Variants in DDX59 observed in about 807,000 individuals in gnomAD.
DDX59 encodes the protein probable ATP-dependent RNA helicase DDX59.
A neutral mutation model predicts 51.9 loss-of-function variants in DDX59; 30 were observed. The ratio of observed to expected loss-of-function variants is 0.58; its 90% CI spans 0.43 to 0.78. The LOEUF (loss-of-function observed/expected upper bound fraction) is 0.78, where lower values mean the gene tolerates loss of function less well. DDX59 is among the 30% of genes least tolerant of loss of function. The pLI, the probability that DDX59 is intolerant of heterozygous loss-of-function variation, is 0.00. For missense variants in DDX59, 672 were observed against 730.8 expected (o/e 0.92, Z 0.93); for synonymous variants, 255 against 253.3 (o/e 1.01, Z -0.06).
intron 6 of DDX59, 81 bp from the exon 7 acceptor site, chr1:200,648,648 T>C (rs1197815068): frequency 1.8e-5 from 26 of 1,438,314 alleles, no homozygotes; most frequent in Admixed American, 4.3e-5. Context: ...TTTCTTTTTA[T>C]AATGCTTACT....
Position 200,648,462 on chromosome 1 carries a change from T to C in DDX59, c.1573A>G (p.Ser525Gly). 6.2e-7 allele frequency: 1 copy of C among 1,614,168 alleles called. No individual in the cohort carries two copies. Among genetic ancestry groups the C allele is most frequent in the African/African-American group, 1.3e-5 (1 of 75,052 alleles). Residue 525 changes from serine (S) to glycine (G), a missense_variant, in exon 7 of 8, where the codon AGT becomes GGT. Coordinates refer to ENST00000331314, the MANE Select transcript of DDX59 (RefSeq NM_001031725.6). ...RLVVNFDMPS[S>G]MDEYVHQIGR... The stretch of plus-strand genomic sequence containing the variant: ...ACCTGATGGACATACTCATCCATAC[T>C]TGAAGGCATATCAAAATTGACAACC...
intron 4 of DDX59, among the ~76,000 whole-genome samples, chr1:200,658,614 T>A (rs1228754209): frequency 6.6e-6 from 1 of 152,152 alleles, no homozygotes; most frequent in African/African-American, 2.4e-5. Context: ...GTGGATCACT[T>A]GAGTGTGGGA....
intron 7 of DDX59, among the ~76,000 whole-genome samples, chr1:200,648,030 T>TGG (rs113134173): frequency 3.7e-5 from 1 of 27,222 alleles, no homozygotes; most frequent in Non-Finnish European, 7.2e-5. Flanking sequence ...TGCTTTTTTT[T>TGG]GGGGGGGGGG....
chr1:200,658,209 C>T (rs925312843), intron 4 of DDX59, among the ~76,000 whole-genome samples: 15 of 152,232 alleles, frequency 9.9e-5, no homozygotes, highest in Non-Finnish European at 2.1e-4. Flanking sequence ...ATGTGCCCCG[C>T]AGGCAGAAAT....
chr1:200,662,094 C>T (rs1341351174), intron 3 of DDX59, among the ~76,000 whole-genome samples: 4 of 152,176 alleles, frequency 2.6e-5, no homozygotes, highest in Non-Finnish European at 5.9e-5. Context: ...AGGCAGAAGC[C>T]ACTATGCTTC....
chr1:200,655,622 C>T (rs1437683980), intron 4 of DDX59, among the ~76,000 whole-genome samples: 2 of 152,314 alleles, frequency 1.3e-5, no homozygotes, highest in East Asian at 3.9e-4. Context: ...TGCACACATG[C>T]ACTTGGACTT....
chr1:200,658,274 C>T (rs141152587), intron 4 of DDX59, among the ~76,000 whole-genome samples: 146 of 152,268 alleles, frequency 9.6e-4, no homozygotes, highest in African/African-American at 3.2e-3. Context: ...GGCAGAATAT[C>T]ACTGAGAAAC....
Position 200,648,469 on chromosome 1 carries a change from C to A in DDX59, c.1566G>T (p.Met522Ile). The change falls in exon 7 of 8, where the codon ATG (methionine) becomes ATT (isoleucine). Residue 522 changes from methionine to isoleucine, a missense_variant. Met to Ile is a conservative substitution (Grantham distance 10). Transcript: ENST00000331314. ...ISVRLVVNFDMPSSMDEYVHQ... is the reference protein window; with the variant it reads ...ISVRLVVNFDIPSSMDEYVHQ... ...GGACATACTCATCCATACTTGAAGG[C>A]ATATCAAAATTGACAACCAGCCTGA... The A allele has an allele frequency of 6.2e-7, 1 of 1,614,128 alleles. No homozygotes were observed. The highest frequency in any genetic ancestry group is 1.1e-5 in the South Asian group (1 of 91,086).
intron 7 of DDX59, among the ~76,000 whole-genome samples, chr1:200,644,810 C>T (rs770668071): frequency 2.0e-5 from 3 of 147,872 alleles, no homozygotes; most frequent in Admixed American, 7.0e-5. Flanking sequence ...GCAAAAGAAT[C>T]GCTTGAACCC....
intron 4 of DDX59, among the ~76,000 whole-genome samples, chr1:200,654,136 G>A (rs745865838): frequency 6.6e-6 from 1 of 152,196 alleles, no homozygotes; most frequent in African/African-American, 2.4e-5. Context: ...CTGAAGGGCC[G>A]GGCGTGGTGG....
chr1:200,650,781 A>C lies in DDX59; in HGVS notation c.1063-105T>G, dbSNP rs1661610912. ...ACAATATAAAAATTAAAAATTCCTA[A>C]ATAGAAAACTATACCACAATGTCAA... is the stretch of plus-strand genomic sequence containing the variant. On this transcript the variant is annotated intron_variant, in intron 4 of 7. Coordinates refer to ENST00000331314, the MANE Select transcript of DDX59 (RefSeq NM_001031725.6). 17 of 1,040,552 alleles carry C rather than the reference A, an allele frequency of 1.6e-5. 1 individual carries two copies. In the South Asian group the frequency reaches 3.7e-4, roughly 23 times the overall value. 64.5% of individuals were successfully genotyped at this position (1,040,552 alleles called of 1,614,324 possible).
downstream of DDX59, among the ~76,000 whole-genome samples, chr1:200,641,819 A>G (rs1254907143): frequency 6.6e-6 from 1 of 151,998 alleles, no homozygotes; most frequent in African/African-American, 2.4e-5. Flanking sequence ...CCTGGCCAAC[A>G]TGGTGAAACC....
chr1:200,669,379 A>AG (rs1395624575), intron 1 of DDX59: 2 of 151,448 alleles, frequency 1.3e-5, no homozygotes, highest in African/African-American at 4.9e-5. Context: ...GGACGGCTCT[A>AG]GGTGAGCAGG....
rs1661477424 is a variant in DDX59, at chr1:200,649,074, C to T, written c.1467G>A (p.Lys489=). ...KSQIERKNIL[K]GLLEGDYEVV... ...GAATATAGAATATTGGGTGTCAAAC[C>T]TTCAATATGTTTTTCCTTTCTATTT... Residue 489 remains lysine (K), a splice_region_variant and synonymous_variant, in exon 6 of 8, where the codon AAG becomes AAA. Transcript: ENST00000331314. 1.3e-6 allele frequency: 2 copies of T among 1,554,476 alleles called. No homozygotes were observed. Among genetic ancestry groups the T allele is most frequent in the African/African-American group, 1.4e-5 (1 of 71,532 alleles).
intron 7 of DDX59, among the ~76,000 whole-genome samples, chr1:200,644,958 T>C (rs1240583715): frequency 6.6e-6 from 1 of 151,704 alleles, no homozygotes; most frequent in East Asian, 1.9e-4. Flanking sequence ...ACAGCATTTT[T>C]TGAATTATGC....
intron 1 of DDX59, among the ~76,000 whole-genome samples, chr1:200,667,307 A>C (rs1486232504): frequency 1.3e-5 from 2 of 152,176 alleles, no homozygotes; most frequent in Non-Finnish European, 1.5e-5. Flanking sequence ...AGGCTGAGGG[A>C]GAAGAATCTC....
Position 200,663,980 on chromosome 1 carries a change from A to C in DDX59, c.911T>G (p.Val304Gly), listed in dbSNP as rs370622853. ...LMSGLPRMKT[V>G]LLVGGLPLPP... is the part of the protein sequence containing the mutation. ...TAAGGGTAAGCCCCCTACAAGAAGCACAGTTTTCATGCGTGGCAGGCCACT... is the reference window on the plus strand; with the variant it reads ...TAAGGGTAAGCCCCCTACAAGAAGCCCAGTTTTCATGCGTGGCAGGCCACT... Residue 304 changes from valine to glycine, a missense_variant, in exon 3 of 8, where the codon GTG (valine) becomes GGG (glycine). Val to Gly is a moderately radical substitution (Grantham distance 109). Transcript: ENST00000331314. 1.2e-5 allele frequency: 19 copies of C among 1,614,096 alleles called. No homozygotes were observed. The highest frequency in any genetic ancestry group is 1.6e-5 in the Non-Finnish European group (19 of 1,180,034).
Position 200,665,997 on chromosome 1 carries a change from A to G in DDX59, c.744T>C (p.Asp248=), listed in dbSNP as rs1432798967. The stretch of plus-strand genomic sequence containing the variant: ...AAGCAGCTGTTTTTCCTGAGCCAGT[A>G]TCTGCACTGGCCAGAATGTCTCTTC... ...LLGRDILASA[D]TGSGKTAAFL... is the part of the protein sequence containing the mutation. Residue 248 remains aspartate, a synonymous_variant, in exon 2 of 8, where the codon GAT becomes GAC. Coordinates refer to ENST00000331314, the MANE Select transcript of DDX59 (RefSeq NM_001031725.6). 3 of 1,614,056 alleles carry G rather than the reference A, an allele frequency of 1.9e-6. No homozygotes were observed. In the African/African-American group the frequency reaches 4.0e-5, roughly 22 times the overall value.
In DDX59 at chr1:200,663,910, A is replaced by G; in HGVS notation, c.972+9T>C. The G allele has an allele frequency of 1.3e-6, 2 of 1,577,564 alleles. No individual in the cohort carries two copies. ...CTTTTCAAAGACATTGTATCAAATC[A>G]GTGCTTACCTTAACATGTTGTTGCA... On this transcript the variant is annotated intron_variant, in intron 3 of 7. Transcript: ENST00000331314.
Sources: gnomAD v4.1 joint callset for allele counts (sites outside exome capture counted in the v4.1 genomes callset) on GRCh38, gnomAD v4.1.1 for gene constraint, MANE v1.5 for transcripts, NCBI Gene and HGNC (gene_info 2026-07-23, HGNC 2026-07-21) for gene names.